Variants in EPG5 observed in about 807,000 individuals in gnomAD.
EPG5 encodes the protein ectopic P-granules 5 autophagy tethering factor.
A neutral mutation model predicts 302.7 loss-of-function variants in EPG5; 159 were observed. The ratio of observed to expected loss-of-function variants is 0.53; its 90% confidence interval spans 0.46 to 0.60. EPG5 has a LOEUF of 0.60. Ranked by LOEUF, EPG5 falls within the 20% of genes least tolerant of loss-of-function variation. The pLI, the probability that EPG5 is intolerant of heterozygous loss-of-function variation, is 0.00. For missense variants in EPG5, 2,896 were observed against 3,092.4 expected, an observed-to-expected ratio of 0.94 and a Z score of 1.51; for synonymous variants, 1,158 against 1,136.8, an observed-to-expected ratio of 1.02 and a Z score of -0.37.
At chr18:45,825,870 G>A in the EPG5 span, 1 of 1,502,762 alleles carries the variant, frequency 6.7e-7, no homozygotes, top group Non-Finnish European at 9.2e-7. Context: ...AAGGCAGGAA[G>A]CAGGTGTGCA....
intron 16 of EPG5, among the ~76,000 whole-genome samples, chr18:45,918,728 T>C (rs919379775): frequency 1.3e-5 from 2 of 152,168 alleles, no homozygotes; most frequent in African/African-American, 4.8e-5. Flanking sequence ...CCAAAGGCAA[T>C]GTGGAAAAAC....
the EPG5 span, chr18:45,838,750 CCCAGTCCGGCTCA>C: frequency 6.3e-7 from 1 of 1,583,364 alleles, no homozygotes; most frequent in East Asian, 2.3e-5. Flanking sequence ...CTCGGTGCTG[CCCAGTCCGGCTCA>C]CGCCTTCCGC....
Position 45,878,385 on chromosome 18 carries a change from T to C in EPG5, c.5933A>G (p.Asp1978Gly), listed in dbSNP as rs767329258. Residue 1978 changes from aspartate to glycine, a missense_variant, in exon 34 of 44, where the codon GAC (aspartate) becomes GGC (glycine). By Grantham distance (94) the Asp-to-Gly change is moderately conservative (BLOSUM62 -1). Around this residue, in one of 5 missense-constraint regions of EPG5, gnomAD observed 32 missense variants for 58.4 expected, o/e 0.55. Coordinates refer to ENST00000282041, the MANE Select transcript of EPG5 (RefSeq NM_020964.3). Reference sequence around the variant, plus strand: ...CTAAAAAACTGTTTACCTTTCGTTGTCCTCTAAAACCAGGATCCATGGCTT... The same window carrying C: ...CTAAAAAACTGTTTACCTTTCGTTGCCCTCTAAAACCAGGATCCATGGCTT... ...LFKPWILVLEDNESSQQRHYP... is the reference protein window; with the variant it reads ...LFKPWILVLEGNESSQQRHYP... The C allele has an allele frequency of 1.9e-6, 3 of 1,607,422 alleles. No homozygotes were observed. The highest frequency in any genetic ancestry group is 2.2e-5 in the South Asian group (2 of 90,846).
chr18:45,868,052 C>T, intron 36 of EPG5: 1 of 487,008 alleles, frequency 2.1e-6, no homozygotes, highest in Non-Finnish European at 4.0e-6. Flanking sequence ...CAGTAAGTCA[C>T]TGGAGCTGCA....
rs566646848 is a variant in EPG5, at chr18:45,919,504, T to C, written c.3099-1685A>G. Among the ~76,000 whole-genome samples, 17 of 151,414 alleles carry C rather than the reference T, an allele frequency of 1.1e-4. No individual in the cohort carries two copies. In the East Asian group the frequency reaches 2.5e-3, roughly 22 times the overall value. On this transcript the variant is annotated intron_variant, in intron 16 of 43. Transcript: ENST00000282041. ...ACGTCAGACACTGTTCTAGGCATGT[T>C]ACATGTGTGGTTTTTTTTTTTTTTT...
intron 16 of EPG5, among the ~76,000 whole-genome samples, chr18:45,921,222 C>T (rs914707156): frequency 1.6e-4 from 25 of 152,192 alleles, no homozygotes; most frequent in African/African-American, 2.2e-4. Flanking sequence ...CATAGCACAA[C>T]GCTGAAGACT....
At chr18:45,917,841 C>A (rs183504813) in intron 16 of EPG5, 22 bp from the exon 17 acceptor site, 6 of 1,613,578 alleles carry the variant, frequency 3.7e-6, no homozygotes, top group Non-Finnish European at 3.4e-6. Flanking sequence ...GAGAAAGGCA[C>A]TGAATACACA....
At position 45,953,551 on chromosome 18, in the gene EPG5, G is replaced by C. The variant is rs545131587; in HGVS notation, c.1008+843C>G. 14 of 985,336 alleles carry C rather than the reference G, an allele frequency of 1.4e-5. No individual in the cohort carries two copies. In the African/African-American group the frequency reaches 2.3e-4, roughly 16 times the overall value. The allele number at this position is 985,336 out of a possible 1,614,324, so 61.0% of individuals were successfully genotyped here. The stretch of plus-strand genomic sequence containing the variant: ...CCCTTCACTGCCAAACTTGTCAAGA[G>C]TAACCTCTTCTTCCTTGCCATCTCT... On this transcript the variant is annotated intron_variant, in intron 2 of 43. Coordinates refer to ENST00000282041, the MANE Select transcript of EPG5 (RefSeq NM_020964.3).
chr18:45,884,510 G>A (rs1288364346), intron 30 of EPG5, 107 bp downstream of exon 30: 3 of 1,016,162 alleles, frequency 3.0e-6, no homozygotes, highest in Admixed American at 2.8e-5. Flanking sequence ...CTCAGCCTCT[G>A]CTGTACCTGG....
the EPG5 span, chr18:45,837,637 C>G: frequency 1.3e-6 from 2 of 1,507,414 alleles, no homozygotes; most frequent in Non-Finnish European, 1.8e-6. Context: ...CGCTGACGGC[C>G]ATCTGGCGCG....
chr18:45,877,042 C>G (rs1249594172), intron 34 of EPG5, among the ~76,000 whole-genome samples: 1 of 152,100 alleles, frequency 6.6e-6, no homozygotes, highest in Non-Finnish European at 1.5e-5. Context: ...CCTTGGCCTC[C>G]CAAAGTACTG....
downstream of EPG5, among the ~76,000 whole-genome samples, chr18:45,846,521 C>CAAAAAAAA (rs67294951): frequency 2.2e-5 from 1 of 46,368 alleles, no homozygotes; most frequent in Non-Finnish European, 3.7e-5. Flanking sequence ...AACTCCCTCT[C>CAAAAAAAA]AAAAAAAAAA....
At chr18:45,914,775 C>T (rs560598577) in intron 20 of EPG5, among the ~76,000 whole-genome samples, 7 of 152,216 alleles carry the variant, frequency 4.6e-5, no homozygotes, top group South Asian at 4.2e-4. Context: ...CGGCTGGCTG[C>T]GGTATGATCA....
intron 27 of EPG5, among the ~76,000 whole-genome samples, chr18:45,897,023 C>G (rs1182403678): frequency 1.3e-5 from 2 of 152,178 alleles, no homozygotes; most frequent in Non-Finnish European, 2.9e-5. Flanking sequence ...ATTAACAAAG[C>G]AAAAGATTAT....
chr18:45,811,466 A>T, the EPG5 span, among the ~76,000 whole-genome samples: 3 of 152,182 alleles, frequency 2.0e-5, no homozygotes, highest in African/African-American at 7.2e-5. Flanking sequence ...ACACACAAAA[A>T]AGAGAATTTT....
intron 1 of EPG5, among the ~76,000 whole-genome samples, chr18:45,966,089 T>C (rs1478899715): frequency 2.0e-5 from 3 of 148,234 alleles, no homozygotes; most frequent in East Asian, 2.0e-4. Flanking sequence ...AAACAAAACA[T>C]AGGCTGGGCG....
intron 10 of EPG5, 98 bp from the exon 11 acceptor site, chr18:45,935,064 T>C: frequency 7.9e-7 from 1 of 1,264,658 alleles, no homozygotes; most frequent in Non-Finnish European, 1.1e-6. Context: ...GATTCTTAAA[T>C]CACACTATGA....
At chr18:45,903,281 G>T (rs1374606203) in intron 25 of EPG5, among the ~76,000 whole-genome samples, 2 of 152,094 alleles carry the variant, frequency 1.3e-5, no homozygotes, top group East Asian at 3.9e-4. Context: ...AAGAAAAAGT[G>T]CAGGGAGAGG....
At position 45,951,128 on chromosome 18, in the gene EPG5, C is replaced by A; in HGVS notation, c.1363G>T (p.Asp455Tyr). The A allele has an allele frequency of 1.9e-6, 3 of 1,587,180 alleles. No individual in the cohort carries two copies. Among genetic ancestry groups the A allele is most frequent in the Non-Finnish European group, 8.6e-7 (1 of 1,169,240 alleles). ...AATTTCTGCAGCCAGAGAAGAATATCATCATGAAACTGAGTATCTTCATTA... is the reference window on the plus strand; with the variant it reads ...AATTTCTGCAGCCAGAGAAGAATATAATCATGAAACTGAGTATCTTCATTA... ...RVNEDTQFHD[D>Y]ILLWLQKLVS... Residue 455 changes from aspartate (D) to tyrosine (Y), a missense_variant, in exon 4 of 44, where the codon GAT (aspartate) becomes TAT (tyrosine). Physicochemically the swap from Asp to Tyr is radical, Grantham distance 160 (BLOSUM62 -3). Transcript: ENST00000282041.
Sources: gnomAD v4.1 joint callset for allele counts (sites outside exome capture counted in the v4.1 genomes callset) on GRCh38, gnomAD v4.1.1 for gene constraint, gnomAD v4.1.1 regional missense constraint, MANE v1.5 for transcripts, NCBI Gene and HGNC (gene_info 2026-07-23, HGNC 2026-07-21) for gene names.